The following FAT1 variants were observed in gnomAD, a reference collection of about 807,000 sequenced individuals.
FAT1 encodes the protein protocadherin Fat 1.
A neutral mutation model predicts 329.8 loss-of-function variants in FAT1; 171 were observed. The ratio of observed to expected loss-of-function variants is 0.52; its 90% confidence interval spans 0.46 to 0.59. The LOEUF (loss-of-function observed/expected upper bound fraction) is 0.59. Ranked by LOEUF, FAT1 falls within the 20% of genes least tolerant of loss-of-function variation. FAT1 has a pLI of 0.00. For synonymous variants in FAT1, 2,233 were observed against 2,228.6 expected (o/e 1.00, Z -0.06); for missense variants, 5,672 against 5,774.4 (o/e 0.98, Z 0.57).
At chr4:186,661,873 G>C (rs540045414) in intron 3 of FAT1, among the ~76,000 whole-genome samples, 2 of 152,172 alleles carry the variant, frequency 1.3e-5, no homozygotes, top group Non-Finnish European at 1.5e-5. Context: ...GCTTGCAACT[G>C]GTGGGAAGAA....
Position 186,600,154 on chromosome 4 carries a change from AT to A in FAT1, c.11846del (p.Tyr3949LeufsTer34). The A allele has an allele frequency of 6.2e-7, 1 of 1,614,034 alleles. No homozygotes were observed. The highest frequency in any genetic ancestry group is 8.5e-7 in the Non-Finnish European group (1 of 1,179,884). On this transcript the variant is annotated frameshift_variant, in exon 22 of 27. Transcript: ENST00000441802. LOFTEE classifies it high-confidence loss of function. ...GTLKTLNLDNYVFFGGHIRQQ... is the reference protein window; with the variant it reads ...GTLKTLNLDNXVFFGGHIRQQ... ...GACGGATGTGGCCACCAAAAAACAC[AT>A]AGTTATCCAGGTTCAGGGTTTTCAG... is the stretch of plus-strand genomic sequence containing the variant.
intron 1 of FAT1, among the ~76,000 whole-genome samples, chr4:186,713,472 C>T (rs1262409842): frequency 2.0e-5 from 3 of 152,130 alleles, no homozygotes; most frequent in Non-Finnish European, 2.9e-5. Flanking sequence ...CTCCTGACCA[C>T]GTGACTGAGG....
intron 3 of FAT1, among the ~76,000 whole-genome samples, chr4:186,643,888 G>C (rs1036194816): frequency 2.0e-5 from 3 of 146,976 alleles, no homozygotes; most frequent in Admixed American, 1.4e-4. Context: ...CTAGTAGGTA[G>C]TAAGTGTCCT....
At chr4:186,615,225 A>C (rs1739655996) in intron 11 of FAT1, among the ~76,000 whole-genome samples, 1 of 152,150 alleles carries the variant, frequency 6.6e-6, no homozygotes, top group African/African-American at 2.4e-5. Flanking sequence ...TGTAAGAGAG[A>C]GAGAATGTCG....
intron 1 of FAT1, among the ~76,000 whole-genome samples, chr4:186,711,639 T>A (rs1410534560): frequency 6.6e-6 from 1 of 152,116 alleles, no homozygotes; most frequent in Non-Finnish European, 1.5e-5. Flanking sequence ...ATAAAGAGGC[T>A]GGTCACGGTG....
intron 2 of FAT1, among the ~76,000 whole-genome samples, chr4:186,682,895 G>C (rs1743294811): frequency 6.6e-6 from 1 of 152,224 alleles, no homozygotes; most frequent in Non-Finnish European, 1.5e-5. Context: ...CAGCAGGACA[G>C]TCAGCAGCAG....
intron 3 of FAT1, among the ~76,000 whole-genome samples, chr4:186,647,975 G>A (rs983477038): frequency 2.6e-5 from 4 of 152,138 alleles, no homozygotes; most frequent in African/African-American, 9.7e-5. Context: ...ACTCATGGGC[G>A]GACTGTGAAA....
chr4:186,651,114 A>G (rs2126594660), intron 3 of FAT1, among the ~76,000 whole-genome samples: 1 of 147,714 alleles, frequency 6.8e-6, no homozygotes, highest in East Asian at 2.0e-4. Context: ...TTCATAAATT[A>G]ATAATTAACA....
chr4:186,707,495 G>A lies in FAT1; in HGVS notation c.2333C>T (p.Ser778Phe), dbSNP rs2126689007. 1 of 1,613,968 alleles carries A rather than the reference G, an allele frequency of 6.2e-7. No homozygotes were observed. Among genetic ancestry groups the A allele is most frequent in the Non-Finnish European group, 8.5e-7 (1 of 1,179,884 alleles). ...DMETGMLKILSPLDRETTDKY... is the reference protein window; with the variant it reads ...DMETGMLKILFPLDRETTDKY... ...GTCTGTTGTTTCACGGTCAAGAGGA[G>A]ATAAAATTTTCAGCATTCCTGTTTC... The change falls in exon 2 of 27, where the codon TCT becomes TTT. Residue 778 changes from serine to phenylalanine, a missense_variant. Transcript: ENST00000441802.
In FAT1 at chr4:186,603,867, G is replaced by A. The variant is rs564230741; in HGVS notation, c.10659C>T (p.Thr3553=). ...PAILPLEIFI[T]SSGEEYSGGV... The stretch of plus-strand genomic sequence containing the variant: ...CACCTGAGTATTCTTCTCCAGAAGA[G>A]GTGATGAAAATCTCCAGGGGCAAAA... Residue 3553 remains threonine, a synonymous_variant, in exon 19 of 27, where the codon ACC becomes ACT. Transcript: ENST00000441802. The A allele has an allele frequency of 3.0e-5, 49 of 1,613,838 alleles. No homozygotes were observed. In the African/African-American group the frequency reaches 4.1e-4, roughly 14 times the overall value.
chr4:186,633,784 G>C lies in FAT1; in HGVS notation c.4223C>G (p.Thr1408Ser). The C allele has an allele frequency of 1.2e-6, 2 of 1,613,962 alleles. No individual in the cohort carries two copies. The highest frequency in any genetic ancestry group is 8.5e-7 in the Non-Finnish European group (1 of 1,179,872). Reference protein sequence around the residue: ...YDSHFDVDKGTGTIIVAKPLD... With the variant: ...YDSHFDVDKGSGTIIVAKPLD... Reference sequence around the variant, plus strand: ...AGGTTTGGCAACAATGATGGTTCCAGTTCCCTTGTCCACATCGAAGTGACT... The same window carrying C: ...AGGTTTGGCAACAATGATGGTTCCACTTCCCTTGTCCACATCGAAGTGACT... The change falls in exon 7 of 27, where the codon ACT becomes AGT. Residue 1408 changes from threonine (T) to serine (S), a missense_variant. Physicochemically the swap from Thr to Ser is moderately conservative, Grantham distance 58 (BLOSUM62 1). This residue lies in a region of FAT1 where 3,966 missense variants were observed against 3,915.2 expected (regional missense o/e 1.01). Coordinates refer to ENST00000441802, the MANE Select transcript of FAT1 (RefSeq NM_005245.4).
At chr4:186,605,450 G>A (rs1195132854) in intron 17 of FAT1, among the ~76,000 whole-genome samples, 3 of 130,734 alleles carry the variant, frequency 2.3e-5, no homozygotes, top group Non-Finnish European at 4.8e-5. Context: ...GTGGAGTGGG[G>A]AAGAGGCAGA....
intron 2 of FAT1, among the ~76,000 whole-genome samples, chr4:186,680,068 A>T (rs2126643644): frequency 6.6e-6 from 1 of 152,324 alleles, no homozygotes; most frequent in Non-Finnish European, 1.5e-5. Flanking sequence ...GGAACAGGGA[A>T]ATATCCCAAA....
chr4:186,704,716 C>T (rs1025868101), intron 2 of FAT1, among the ~76,000 whole-genome samples: 2 of 152,116 alleles, frequency 1.3e-5, no homozygotes, highest in African/African-American at 4.8e-5. Context: ...CTAACTTATA[C>T]TGGACAGATA....
At chr4:186,625,541 C>G (rs1372453504) in intron 9 of FAT1, among the ~76,000 whole-genome samples, 1 of 152,066 alleles carries the variant, frequency 6.6e-6, no homozygotes, top group Non-Finnish European at 1.5e-5. Flanking sequence ...TATACCTGTA[C>G]CAATTCTAAT....
intron 2 of FAT1, among the ~76,000 whole-genome samples, chr4:186,682,526 C>CAAAAAAAAAAGAAAAAA (rs1743268892): frequency 8.4e-6 from 1 of 119,706 alleles, no homozygotes; most frequent in African/African-American, 3.9e-5. Context: ...GACTCTGTCT[C>CAAAAAAAAAAGAAAAAA]AAAAAAAAAA....
chr4:186,617,455 T>C (rs1352272302), intron 10 of FAT1, among the ~76,000 whole-genome samples: 1 of 152,214 alleles, frequency 6.6e-6, no homozygotes, highest in Non-Finnish European at 1.5e-5. Flanking sequence ...TTATATTTAT[T>C]ATACACTAAG....
At chr4:186,597,643 G>A in intron 24 of FAT1, 39 bp downstream of exon 24, 2 of 1,465,252 alleles carry the variant, frequency 1.4e-6, no homozygotes, top group Non-Finnish European at 1.9e-6. Flanking sequence ...ATGACGCTAT[G>A]AAAAGGTATG....
intron 2 of FAT1, among the ~76,000 whole-genome samples, chr4:186,691,914 T>TTACTGTGGC (rs1743780804): frequency 6.6e-6 from 1 of 151,520 alleles, no homozygotes; most frequent in Admixed American, 6.6e-5. Flanking sequence ...CATGTATGCT[T>TTACTGTGGC]TACTGTGGCT....
Sources: gnomAD v4.1 joint callset for allele counts (sites outside exome capture counted in the v4.1 genomes callset) on GRCh38, gnomAD v4.1.1 for gene constraint, gnomAD v4.1.1 regional missense constraint, MANE v1.5 for transcripts, NCBI Gene and HGNC (gene_info 2026-07-23, HGNC 2026-07-21) for gene names.